Variants in ANTXR2 observed in about 807,000 individuals in gnomAD.
ANTXR2 encodes anthrax toxin receptor 2.
In ANTXR2, 44 loss-of-function variants were observed where a neutral mutation model predicts 73.7. The observed-to-expected ratio is 0.60, with a 90% CI of 0.47 to 0.77. ANTXR2 has a LOEUF of 0.77. Among genes scored for constraint, ANTXR2 ranks in the 30% least tolerant of loss-of-function variants. The pLI is 0.00. For missense variants in ANTXR2, 604 were observed against 592.5 expected, an observed-to-expected ratio of 1.02 and a Z score of -0.20; for synonymous variants, 217 against 205.9, an observed-to-expected ratio of 1.05 and a Z score of -0.46.
intron 14 of ANTXR2, among the ~76,000 whole-genome samples, chr4:79,979,544 T>A (rs1236532363): frequency 6.6e-6 from 1 of 152,194 alleles, no homozygotes; most frequent in Non-Finnish European, 1.5e-5. Flanking sequence ...CTTTTTTTAC[T>A]ACAATTTTAG....
chr4:79,925,872 T>C (rs2109951782), intron 16 of ANTXR2, among the ~76,000 whole-genome samples: 1 of 152,244 alleles, frequency 6.6e-6, no homozygotes, highest in South Asian at 2.1e-4. Flanking sequence ...AATATTAATG[T>C]CATTCAGCTG....
chr4:79,960,518 T>A (rs1729102902), intron 16 of ANTXR2, among the ~76,000 whole-genome samples: 1 of 151,814 alleles, frequency 6.6e-6, no homozygotes, highest in African/African-American at 2.4e-5. Flanking sequence ...TTTAAAAGCA[T>A]AAGGAGAAAA....
chr4:80,031,767 C>T, intron 9 of ANTXR2, 75 bp from the exon 10 acceptor site: 1 of 842,932 alleles, frequency 1.2e-6, no homozygotes, highest in Non-Finnish European at 1.7e-6. Context: ...ATATGAACAG[C>T]ATGCTTCAAT....
At chr4:80,011,277 ATCTATCTATC>A in intron 11 of ANTXR2, among the ~76,000 whole-genome samples, 1 of 60,652 alleles carries the variant, frequency 1.6e-5, no homozygotes, top group Non-Finnish European at 5.6e-5. Context: ...CTTGCTATCT[ATCTATCTATC>A]TATCTATCTA....
intron 14 of ANTXR2, among the ~76,000 whole-genome samples, chr4:79,982,936 C>A (rs1286802113): frequency 6.6e-6 from 1 of 152,220 alleles, no homozygotes; most frequent in South Asian, 2.1e-4. Context: ...AAAGGGGAAA[C>A]TCTCCTTGGG....
intron 12 of ANTXR2, 84 bp from the exon 13 acceptor site, chr4:79,984,947 A>C: frequency 9.1e-7 from 1 of 1,094,296 alleles, no homozygotes. Context: ...GATACATAAA[A>C]TACTGTGGTA....
chr4:79,997,645 T>C (rs889905984), intron 12 of ANTXR2, among the ~76,000 whole-genome samples: 1 of 152,030 alleles, frequency 6.6e-6, no homozygotes, highest in South Asian at 2.1e-4. Context: ...TGCTTTTTAT[T>C]TCTTCCTCGA....
chr4:79,928,889 T>A (rs1452460457), intron 16 of ANTXR2, among the ~76,000 whole-genome samples: 1 of 152,214 alleles, frequency 6.6e-6, no homozygotes, highest in African/African-American at 2.4e-5. Context: ...AGAAAATACC[T>A]GACATTTCAA....
intron 16 of ANTXR2, among the ~76,000 whole-genome samples, chr4:79,965,639 C>A (rs1267893478): frequency 6.6e-6 from 1 of 152,056 alleles, no homozygotes; most frequent in Non-Finnish European, 1.5e-5. Context: ...ACAGAACACA[C>A]AGGAAAATAA....
At chr4:79,956,366 C>T (rs753305855) in intron 16 of ANTXR2, among the ~76,000 whole-genome samples, 25 of 152,058 alleles carry the variant, frequency 1.6e-4, no homozygotes, top group Non-Finnish European at 3.7e-4. Flanking sequence ...CTAAGTCAGT[C>T]AGTTATTGCC....
intron 12 of ANTXR2, among the ~76,000 whole-genome samples, chr4:79,999,885 T>G (rs1243110457): frequency 6.6e-6 from 1 of 151,880 alleles, no homozygotes; most frequent in East Asian, 1.9e-4. Flanking sequence ...ATCATGTCAC[T>G]GCACTCCAGC....
intron 10 of ANTXR2, among the ~76,000 whole-genome samples, chr4:80,021,929 G>A (rs1732188636): frequency 6.6e-6 from 1 of 152,128 alleles, no homozygotes; most frequent in African/African-American, 2.4e-5. Context: ...ACAGGCAATT[G>A]TTGATTTCTT....
chr4:80,022,511 C>A (rs1001979904), intron 10 of ANTXR2, among the ~76,000 whole-genome samples: 2 of 152,196 alleles, frequency 1.3e-5, no homozygotes, highest in African/African-American at 4.8e-5. Context: ...CACTGTAATG[C>A]AAACCAAATT....
At chr4:80,031,881 T>A (rs1732713839) in intron 9 of ANTXR2, among the ~76,000 whole-genome samples, 189 bp from the exon 10 acceptor site, 1 of 151,694 alleles carries the variant, frequency 6.6e-6, no homozygotes, top group Admixed American at 6.6e-5. Flanking sequence ...TCCATTGACA[T>A]ATAGTGTTGG....
intron 10 of ANTXR2, among the ~76,000 whole-genome samples, chr4:80,029,135 G>A (rs2110079381): frequency 6.6e-6 from 1 of 152,142 alleles, no homozygotes; most frequent in East Asian, 1.9e-4. Context: ...TATCTCCTGG[G>A]TATTTAACCT....
intron 16 of ANTXR2, among the ~76,000 whole-genome samples, chr4:79,929,947 G>A (rs915904727): frequency 1.3e-5 from 2 of 152,000 alleles, no homozygotes; most frequent in Non-Finnish European, 2.9e-5. Flanking sequence ...TCATTACAAC[G>A]GTCCTGTGAC....
At chr4:79,959,503 T>C (rs569948620) in intron 16 of ANTXR2, among the ~76,000 whole-genome samples, 2 of 152,290 alleles carry the variant, frequency 1.3e-5, no homozygotes, top group Non-Finnish European at 2.9e-5. Context: ...CAAAATTCTG[T>C]TCCTCAAATC....
intron 3 of ANTXR2, among the ~76,000 whole-genome samples, chr4:80,063,967 A>G (rs1285351942): frequency 6.6e-6 from 1 of 152,218 alleles, no homozygotes; most frequent in Non-Finnish European, 1.5e-5. Context: ...GGAACCTTCT[A>G]GACTTTTATA....
At chr4:80,028,289 T>C (rs904606470) in intron 10 of ANTXR2, among the ~76,000 whole-genome samples, 1 of 152,114 alleles carries the variant, frequency 6.6e-6, no homozygotes, top group African/African-American at 2.4e-5. Flanking sequence ...TAACTTTAAC[T>C]TTCCTTTACT....
Sources: allele counts gnomAD v4.1 joint callset (sites outside exome capture counted in the v4.1 genomes callset), GRCh38; gene constraint gnomAD v4.1.1; transcripts MANE v1.5; gene names NCBI Gene and HGNC (gene_info 2026-07-23, HGNC 2026-07-21).